The following SZRD1 variants were observed in gnomAD, a reference collection of about 807,000 sequenced individuals.
The protein encoded by SZRD1 is SUZ RNA binding domain containing 1, also known as SUZ RNA-binding domain-containing.
A neutral mutation model predicts 17.6 loss-of-function variants in SZRD1; 7 were observed. The observed-to-expected ratio is 0.40, with a 90% CI of 0.23 to 0.75. The LOEUF (loss-of-function observed/expected upper bound fraction) is 0.75, where lower values mean the gene tolerates loss of function less well. Ranked by LOEUF, SZRD1 falls within the 30% of genes least tolerant of loss-of-function variation. SZRD1 has a pLI of 0.38. For missense variants in SZRD1, 178 were observed against 201.8 expected (o/e 0.88, Z 0.71); for synonymous variants, 77 against 77.9 (o/e 0.99, Z 0.06).
chr1:16,375,745 G>T (rs11802544), intron 1 of SZRD1, among the ~76,000 whole-genome samples: 2,763 of 152,194 alleles, frequency 0.018, 87 homozygotes, highest in African/African-American at 0.062. Flanking sequence ...TTTCTAAAAG[G>T]AATAATAAAT....
chr1:16,388,798 C>T (rs982350302), intron 1 of SZRD1, among the ~76,000 whole-genome samples: 3 of 149,402 alleles, frequency 2.0e-5, no homozygotes, highest in African/African-American at 7.4e-5. Flanking sequence ...CATGTGCGCA[C>T]CACCACGCCT....
intron 1 of SZRD1, among the ~76,000 whole-genome samples, chr1:16,390,992 A>C (rs2085213729): frequency 6.6e-6 from 1 of 152,158 alleles, no homozygotes; most frequent in African/African-American, 2.4e-5. Flanking sequence ...AAGTGACATG[A>C]TCAGATTTAT....
chr1:16,393,347 G>A lies in SZRD1; in HGVS notation c.221G>A (p.Ser74Asn). The A allele has an allele frequency of 6.2e-7, 1 of 1,614,198 alleles. No individual in the cohort carries two copies. The highest frequency in any genetic ancestry group is 8.5e-7 in the Non-Finnish European group (1 of 1,180,042). ...CCCACCAGCAACGGTGTGGTCAGCA[G>A]CCCCAACTCCACCAGCAGGCCCACC... is the stretch of plus-strand genomic sequence containing the variant. ...KRPTSNGVVS[S>N]PNSTSRPTLP... The change falls in exon 3 of 4, where the codon AGC becomes AAC. Residue 74 changes from serine to asparagine, a missense_variant. Transcript: ENST00000401088. The surrounding 1 kb of genome is among the most constrained non-coding windows in gnomAD (Gnocchi z 5.6).
intron 1 of SZRD1, among the ~76,000 whole-genome samples, chr1:16,389,009 C>T (rs537105966): frequency 2.0e-5 from 3 of 149,146 alleles, no homozygotes; most frequent in Admixed American, 6.7e-5. Context: ...TAAGAATTTA[C>T]AAGATTAGAA....
rs1215581220 is a variant in SZRD1 at position 16,396,162 on chromosome 1, A to G, written c.*1022A>G. 1 of 152,636 alleles carries G rather than the reference A, an allele frequency of 6.6e-6. No individual in the cohort carries two copies. Among genetic ancestry groups the G allele is most frequent in the Admixed American group, 6.5e-5 (1 of 15,270 alleles). 9.5% of individuals were successfully genotyped at this position (152,636 alleles called of 1,614,324 possible). Reference sequence around the variant, plus strand: ...CCATCAGCACAAGGAAAACCAGGAGAGAGTCTGCCTCCAGGACTCTGAGCC... The same window carrying G: ...CCATCAGCACAAGGAAAACCAGGAGGGAGTCTGCCTCCAGGACTCTGAGCC... On this transcript the variant is annotated 3_prime_UTR_variant, in exon 4 of 4. Coordinates refer to ENST00000401088, the MANE Select transcript of SZRD1 (RefSeq NM_001114600.3).
intron 1 of SZRD1, among the ~76,000 whole-genome samples, chr1:16,387,987 C>CT (rs2085155306): frequency 6.6e-6 from 1 of 152,082 alleles, no homozygotes; most frequent in Non-Finnish European, 1.5e-5. Context: ...ATTGGTGTAC[C>CT]TTTTCCATTC....
chr1:16,377,377 G>A (rs2083022512), intron 1 of SZRD1, among the ~76,000 whole-genome samples: 1 of 152,056 alleles, frequency 6.6e-6, no homozygotes, highest in Non-Finnish European at 1.5e-5. Context: ...GAGGTCAAGA[G>A]TTCAAGACCA....
At chr1:16,383,720 A>G (rs1020892886) in intron 1 of SZRD1, among the ~76,000 whole-genome samples, 4 of 149,268 alleles carry the variant, frequency 2.7e-5, no homozygotes, top group African/African-American at 9.9e-5. Flanking sequence ...CCTGGGTTCA[A>G]GCGATTCTCC....
At chr1:16,374,256 T>A (rs1570000900) in intron 1 of SZRD1, among the ~76,000 whole-genome samples, 1 of 152,176 alleles carries the variant, frequency 6.6e-6, no homozygotes, top group African/African-American at 2.4e-5. Context: ...AGGTTGAGCC[T>A]TATGGACTGT....
chr1:16,369,076 G>C, intron 1 of SZRD1: 1 of 306,596 alleles, frequency 3.3e-6, no homozygotes, highest in Non-Finnish European at 5.9e-6. Flanking sequence ...CGCTTGTCGC[G>C]TGTTCTTTCT....
intron 1 of SZRD1, among the ~76,000 whole-genome samples, chr1:16,381,085 TAAAAAA>T (rs139686580): frequency 8.1e-6 from 1 of 123,164 alleles, no homozygotes; most frequent in South Asian, 2.7e-4. Context: ...CCTGGCTCGT[TAAAAAA>T]AAAAAAAAAA....
intron 1 of SZRD1, among the ~76,000 whole-genome samples, chr1:16,388,207 A>G (rs1241649675): frequency 1.3e-5 from 2 of 152,068 alleles, no homozygotes; most frequent in African/African-American, 4.8e-5. Flanking sequence ...TCCGTCTCCC[A>G]GGTTCAAGAG....
intron 1 of SZRD1, chr1:16,369,422 C>T (rs2001913): frequency 0.012 from 12,461 of 1,070,348 alleles, 105 homozygotes; most frequent in East Asian, 0.025. Context: ...TCAAAATTGG[C>T]AGCATCCATG....
At chr1:16,388,239 G>A (rs1200520532) in intron 1 of SZRD1, among the ~76,000 whole-genome samples, 1 of 152,080 alleles carries the variant, frequency 6.6e-6, no homozygotes, top group African/African-American at 2.4e-5. Flanking sequence ...TCAGCCTCCT[G>A]AGTAGCTGGG....
chr1:16,371,179 C>T (rs191480409), intron 1 of SZRD1, among the ~76,000 whole-genome samples: 9 of 152,248 alleles, frequency 5.9e-5, no homozygotes, highest in Non-Finnish European at 8.8e-5. Context: ...TGCCCTCCAA[C>T]ACCACAAGAA....
chr1:16,392,333 C>G (rs1299259805), intron 2 of SZRD1, among the ~76,000 whole-genome samples: 1 of 152,188 alleles, frequency 6.6e-6, no homozygotes, highest in Non-Finnish European at 1.5e-5. Context: ...GTTGACTGCT[C>G]TGGGTAGGGT....
chr1:16,388,678 CTTTTTTTTTTT>C (rs950662267), intron 1 of SZRD1, among the ~76,000 whole-genome samples: 6 of 92,200 alleles, frequency 6.5e-5, no homozygotes, highest in South Asian at 3.8e-4. Context: ...AAGAATAAGT[CTTTTTTTTTTT>C]TTTTTTTTTT....
chr1:16,378,072 G>T (rs902583653), intron 1 of SZRD1, among the ~76,000 whole-genome samples: 1 of 151,984 alleles, frequency 6.6e-6, no homozygotes, highest in Non-Finnish European at 1.5e-5. Flanking sequence ...TATTTCCAGG[G>T]CAAGACTCTT....
At chr1:16,376,339 G>A (rs1001071577) in intron 1 of SZRD1, among the ~76,000 whole-genome samples, 1 of 152,110 alleles carries the variant, frequency 6.6e-6, no homozygotes, top group Non-Finnish European at 1.5e-5. Flanking sequence ...TAGCCTGCAT[G>A]AGCTCATAAA....
Sources: allele counts gnomAD v4.1 joint callset (sites outside exome capture counted in the v4.1 genomes callset), GRCh38; gene constraint gnomAD v4.1.1; non-coding constraint Gnocchi (gnomAD v3.1); transcripts MANE v1.5; gene names NCBI Gene and HGNC (gene_info 2026-07-23, HGNC 2026-07-21).